SCNN1B: variants seen among roughly 807,000 people sequenced by gnomAD.
SCNN1B encodes sodium channel epithelial 1 subunit beta.
In SCNN1B, 46 loss-of-function variants were observed where a neutral mutation model predicts 65.3. The observed-to-expected ratio is 0.70, with a 90% confidence interval of 0.56 to 0.90. SCNN1B has a LOEUF of 0.90. Among genes scored for constraint, SCNN1B ranks in the 40% least tolerant of loss-of-function variants. The pLI is 0.00. For synonymous variants in SCNN1B, 349 were observed against 330.6 expected (o/e 1.06, Z -0.60); for missense variants, 751 against 830.5 (o/e 0.90, Z 1.18).
chr16:23,312,825 A>G (rs1367670101), intron 1 of SCNN1B, among the ~76,000 whole-genome samples: 1 of 152,148 alleles, frequency 6.6e-6, no homozygotes, highest in Non-Finnish European at 1.5e-5. Context: ...TCCTGGCCAC[A>G]GGATGGTGAG....
At chr16:23,373,061 C>T (rs1962818838) in intron 7 of SCNN1B, among the ~76,000 whole-genome samples, 1 of 152,026 alleles carries the variant, frequency 6.6e-6, no homozygotes, top group African/African-American at 2.4e-5. Flanking sequence ...GAGCTGATAT[C>T]ACGCCACTGC....
chr16:23,307,041 C>G (rs914360170), intron 1 of SCNN1B, among the ~76,000 whole-genome samples: 2 of 152,094 alleles, frequency 1.3e-5, no homozygotes, highest in Non-Finnish European at 2.9e-5. Context: ...AAGAGTAAAC[C>G]ACTTGCCCAA....
rs150935172 is a variant in SCNN1B at position 23,344,260 on chromosome 16, C to A, written c.-8-4332C>A. 8.5e-3 allele frequency among the ~76,000 whole-genome samples: 1,288 copies of A among 152,262 alleles called. 11 individuals carry two copies. Among genetic ancestry groups the A allele is most frequent in the Non-Finnish European group, 0.012 (784 of 68,024 alleles). ...TTCTAACTAGATACTGTTGCCTGAG[C>A]CTGAGGCCTCATTGTTAAACCCGGA... On this transcript the variant is annotated intron_variant, in intron 1 of 12. Transcript: ENST00000343070.
intron 1 of SCNN1B, among the ~76,000 whole-genome samples, chr16:23,307,099 G>A (rs1961235215): frequency 2.0e-5 from 3 of 152,098 alleles, no homozygotes; most frequent in Non-Finnish European, 4.4e-5. Context: ...CACCAAATCT[G>A]TCTGATTCAA....
chr16:23,348,851 C>T lies in SCNN1B; in HGVS notation c.252C>T (p.Ser84=), dbSNP rs778547109. 6.2e-6 allele frequency: 10 copies of T among 1,614,118 alleles called. No individual in the cohort carries two copies. Among genetic ancestry groups the T allele is most frequent in the South Asian group, 5.5e-5 (5 of 91,074 alleles). The change falls in exon 2 of 13, where the codon TCC becomes TCT. Residue 84 remains serine (S), a synonymous_variant. Transcript: ENST00000343070. This position sits in a 1 kb window ranked among gnomAD's most constrained non-coding sequence, Gnocchi z 4.5. The part of the protein sequence containing the change: ...YLSWEVSVSL[S]VGFKTMDFPA... Reference sequence around the variant, plus strand: ...GCTGGGAGGTCAGCGTCTCCCTCTCCGTAGGCTTCAAGACCATGGACTTCC... The same window carrying T: ...GCTGGGAGGTCAGCGTCTCCCTCTCTGTAGGCTTCAAGACCATGGACTTCC...
chr16:23,355,609 C>A, intron 4 of SCNN1B, 120 bp downstream of exon 4: 1 of 993,406 alleles, frequency 1.0e-6, no homozygotes, highest in South Asian at 1.3e-5. Flanking sequence ...CGGCTATCTG[C>A]AGCACAGTTT....
chr16:23,326,034 C>T (rs1961689695), intron 1 of SCNN1B, among the ~76,000 whole-genome samples: 1 of 151,804 alleles, frequency 6.6e-6, no homozygotes, highest in South Asian at 2.1e-4. Flanking sequence ...ATGATTGCAC[C>T]ACTGCACTCC....
At chr16:23,361,317 G>A (rs560154984) in intron 4 of SCNN1B, among the ~76,000 whole-genome samples, 1 of 152,326 alleles carries the variant, frequency 6.6e-6, no homozygotes, top group East Asian at 1.9e-4. Flanking sequence ...TCCCTCCTCA[G>A]CCTCCAAAAG....
At chr16:23,372,648 T>C (rs753698463) in intron 7 of SCNN1B, among the ~76,000 whole-genome samples, 1 of 151,694 alleles carries the variant, frequency 6.6e-6, no homozygotes, top group Non-Finnish European at 1.5e-5. Flanking sequence ...TGCCCACCGC[T>C]ACACCGGCTA....
upstream of SCNN1B, among the ~76,000 whole-genome samples, chr16:23,299,444 T>C (rs1033151457): frequency 2.0e-5 from 3 of 152,188 alleles, no homozygotes; most frequent in African/African-American, 4.8e-5. Context: ...GAAGCATTGA[T>C]TTTCAAAGTG....
In SCNN1B at chr16:23,380,670, A is replaced by G. The variant is rs1281863419; in HGVS notation, c.1792A>G (p.Ser598Gly). 3.1e-6 allele frequency: 5 copies of G among 1,612,380 alleles called. No individual in the cohort carries two copies. The highest frequency in any genetic ancestry group is 4.2e-6 in the Non-Finnish European group (5 of 1,179,434). ...FGFQPDTAPRSPNTGPYPSEQ... is the reference protein window; with the variant it reads ...FGFQPDTAPRGPNTGPYPSEQ... Reference sequence around the variant, plus strand: ...CTTCCAGCCTGACACGGCCCCCCGCAGCCCCAACACTGGGCCCTACCCCAG... The same window carrying G: ...CTTCCAGCCTGACACGGCCCCCCGCGGCCCCAACACTGGGCCCTACCCCAG... The change falls in exon 13 of 13, where the codon AGC (serine) becomes GGC (glycine). Residue 598 changes from serine to glycine, a missense_variant. Ser to Gly is a moderately conservative substitution (Grantham distance 56, BLOSUM62 0). Transcript: ENST00000343070. This position sits in a 1 kb window ranked among gnomAD's most constrained non-coding sequence, Gnocchi z 5.4.
intron 5 of SCNN1B, among the ~76,000 whole-genome samples, chr16:23,369,940 T>C (rs950480645): frequency 1.5e-4 from 23 of 152,116 alleles, no homozygotes; most frequent in African/African-American, 5.6e-4. Flanking sequence ...GTTTATTTTA[T>C]TTTATTTTTG....
intron 4 of SCNN1B, among the ~76,000 whole-genome samples, chr16:23,357,221 G>T (rs1962439009): frequency 6.6e-6 from 1 of 152,234 alleles, no homozygotes; most frequent in Admixed American, 6.5e-5. Context: ...GCAGCTCTCT[G>T]AACTCAGAAC....
At chr16:23,379,941 T>C (rs796680527) in intron 11 of SCNN1B, among the ~76,000 whole-genome samples, 153 bp from the exon 12 acceptor site, 8 of 152,278 alleles carry the variant, frequency 5.3e-5, no homozygotes, top group African/African-American at 1.9e-4. Context: ...CCTTCCTGTG[T>C]GCATGTGTGC....
chr16:23,316,355 T>A (rs1263814464), intron 1 of SCNN1B, among the ~76,000 whole-genome samples: 16 of 74,818 alleles, frequency 2.1e-4, no homozygotes, highest in African/African-American at 5.7e-4. Context: ...CGTCACCATC[T>A]CCTCCATCAT....
chr16:23,355,798 A>C (rs1312953937), intron 4 of SCNN1B, among the ~76,000 whole-genome samples: 1 of 152,034 alleles, frequency 6.6e-6, no homozygotes, highest in African/African-American at 2.4e-5. Context: ...AAGAAAAAGG[A>C]AAGGCTGGGC....
chr16:23,355,809 G>A (rs545201707), intron 4 of SCNN1B, among the ~76,000 whole-genome samples: 13 of 152,264 alleles, frequency 8.5e-5, no homozygotes, highest in Middle Eastern at 3.4e-3. Context: ...AAGGCTGGGC[G>A]TGGTGGGTGG....
intron 5 of SCNN1B, 57 bp downstream of exon 5, chr16:23,368,016 G>A (rs1962707665): frequency 7.6e-7 from 1 of 1,319,922 alleles, no homozygotes; most frequent in African/African-American, 1.5e-5. Context: ...CCCCCACAAT[G>A]TGGGACTGAA....
At chr16:23,343,617 A>G (rs28534067) in intron 1 of SCNN1B, among the ~76,000 whole-genome samples, 1 of 127,108 alleles carries the variant, frequency 7.9e-6, no homozygotes, top group African/African-American at 3.1e-5. Context: ...GAAAGAAAGA[A>G]AGAAAGAAAG....
Sources: allele counts gnomAD v4.1 joint callset (sites outside exome capture counted in the v4.1 genomes callset), GRCh38; gene constraint gnomAD v4.1.1; non-coding constraint Gnocchi (gnomAD v3.1); transcripts MANE v1.5; gene names NCBI Gene and HGNC (gene_info 2026-07-23, HGNC 2026-07-21).